The following MRPL27 variants were observed in gnomAD, a reference collection of about 807,000 sequenced individuals.
The protein encoded by MRPL27 is large ribosomal subunit protein bL27m.
MRPL27 carries 4 observed loss-of-function variants against 14.6 expected under a neutral mutation model. The ratio of observed to expected loss-of-function variants is 0.27; its 90% CI spans 0.14 to 0.63. The LOEUF is 0.63. Among genes scored for constraint, MRPL27 ranks in the 20% least tolerant of loss-of-function variants. The pLI is 0.85. For synonymous variants in MRPL27, 82 were observed against 75.5 expected (o/e 1.09, Z -0.45); for missense variants, 196 against 192.8 (o/e 1.02, Z -0.10).
At chr17:50,368,515 A>G (rs1913030297) in intron 3 of MRPL27, 1 of 607,526 alleles carries the variant, frequency 1.6e-6, no homozygotes. Context: ...TCCAACAGCC[A>G]ACATGGGCCA....
At position 50,368,248 on chromosome 17, in the gene MRPL27, G is replaced by C; in HGVS notation, c.291C>G (p.Val97=). The C allele has an allele frequency of 6.2e-7, 1 of 1,614,198 alleles. No homozygotes were observed. Among genetic ancestry groups the C allele is most frequent in the Middle Eastern group, 1.6e-4 (1 of 6,062 alleles). ...KCLYALEEGI[V]RYTKEVYVPH... is the part of the protein sequence containing the mutation. ...GCACGTAGACCTCCTTAGTGTAGCGGACTATCCCCTCTTCCAGGGCATACA... is the reference window on the plus strand; with the variant it reads ...GCACGTAGACCTCCTTAGTGTAGCGCACTATCCCCTCTTCCAGGGCATACA... Residue 97 remains valine (V), a synonymous_variant, in exon 4 of 4, where the codon GTC becomes GTG. Transcript: ENST00000225969.
At chr17:50,370,809 A>G in intron 1 of MRPL27, 2 of 507,178 alleles carry the variant, frequency 3.9e-6, no homozygotes, top group Non-Finnish European at 3.6e-6. Context: ...AATGGAAAAA[A>G]ATAAACATCA....
At chr17:50,368,528 G>T in intron 3 of MRPL27, 1 of 603,358 alleles carries the variant, frequency 1.7e-6, no homozygotes, top group Non-Finnish European at 2.9e-6. Context: ...ATGGGCCACT[G>T]CTCAGTCCCA....
intron 3 of MRPL27, 118 bp from the exon 4 acceptor site, chr17:50,368,416 G>A: frequency 9.7e-7 from 1 of 1,034,958 alleles, no homozygotes; most frequent in South Asian, 1.6e-5. Flanking sequence ...TGATCAGAGA[G>A]CTCCATCTCA....
At position 50,372,965 on chromosome 17, in the gene MRPL27, A is replaced by G. The variant is rs1737265681; in HGVS notation, c.40+166T>C. Reference sequence around the variant, plus strand: ...GCCCTCACTCACGGCTCCACCCAGGATGTGTCACGTGACCAGCGACACCGT... The same window carrying G: ...GCCCTCACTCACGGCTCCACCCAGGGTGTGTCACGTGACCAGCGACACCGT... On this transcript the variant is annotated intron_variant, in intron 1 of 3. Transcript: ENST00000225969. 4 of 906,594 alleles carry G rather than the reference A, an allele frequency of 4.4e-6. No individual in the cohort carries two copies. The South Asian group carries it at 6.3e-5, about 14-fold the overall frequency. The allele number at this position is 906,594 out of a possible 1,614,324, so 56.2% of individuals were successfully genotyped here. A position where few individuals can be genotyped will look rare whatever the true frequency, so the allele number is the denominator to read the frequency against.
At chr17:50,369,749 G>A in intron 3 of MRPL27, 1 of 482,420 alleles carries the variant, frequency 2.1e-6, no homozygotes, top group South Asian at 2.8e-5. Flanking sequence ...AAGAATACCA[G>A]GCCAATGCAA....
chr17:50,372,254 T>TG lies in MRPL27; in HGVS notation c.40+876_40+877insC, dbSNP rs1567812872. 4.4e-4 allele frequency among the ~76,000 whole-genome samples: 64 copies of TG among 144,610 alleles called. No homozygotes were observed. The South Asian group carries it at 4.6e-3, about 10-fold the overall frequency. The allele number at this position is 144,610 out of a possible 152,430, so 94.9% of individuals were successfully genotyped here. A position where few individuals can be genotyped will look rare whatever the true frequency, so the allele number is the denominator to read the frequency against. Reference sequence around the variant, plus strand: ...TAGGTCTCCTGTCATTCTTTTTTTTTTGGGGGGGGGGGATAGGGCCCCATT... The same window carrying TG: ...TAGGTCTCCTGTCATTCTTTTTTTTTGTGGGGGGGGGGGATAGGGCCCCATT... On this transcript the variant is annotated intron_variant, in intron 1 of 3. Transcript: ENST00000225969.
intron 1 of MRPL27, among the ~76,000 whole-genome samples, chr17:50,372,337 C>G (rs1314482414): frequency 6.6e-6 from 1 of 152,078 alleles, no homozygotes; most frequent in African/African-American, 2.4e-5. Context: ...CCTCGACCTC[C>G]CGAGCTCAGG....
At chr17:50,372,304 G>A (rs1913186576) in intron 1 of MRPL27, among the ~76,000 whole-genome samples, 1 of 151,814 alleles carries the variant, frequency 6.6e-6, no homozygotes, top group Admixed American at 6.6e-5. Flanking sequence ...GGAGTGCAGT[G>A]GTATGAACAT....
chr17:50,368,671 T>C, intron 3 of MRPL27: 1 of 596,520 alleles, frequency 1.7e-6, no homozygotes, highest in Non-Finnish European at 3.0e-6. Context: ...AAAACACTAG[T>C]TTGATGTAAA....
intron 3 of MRPL27, 197 bp from the exon 4 acceptor site, chr17:50,368,495 A>G (rs1913030022): frequency 1.6e-6 from 1 of 624,524 alleles, no homozygotes; most frequent in Non-Finnish European, 2.8e-6. Context: ...CAAATGAGGG[A>G]AAAGAAAGCT....
chr17:50,373,178 A>C lies in MRPL27; in HGVS notation c.-8T>G. 1.9e-6 allele frequency: 3 copies of C among 1,614,118 alleles called. No homozygotes were observed. Among genetic ancestry groups the C allele is most frequent in the Non-Finnish European group, 1.7e-6 (2 of 1,180,026 alleles). On this transcript the variant is annotated 5_prime_UTR_variant, in exon 1 of 4. Transcript: ENST00000225969. The stretch of plus-strand genomic sequence containing the variant: ...CAACACCACCGACGCCATGCTTTCG[A>C]TCACTCACTTCCGGTCTCGAAAAGT...
chr17:50,369,889 A>G (rs1365418288), intron 3 of MRPL27, 143 bp downstream of exon 3: 4 of 940,118 alleles, frequency 4.3e-6, no homozygotes, highest in Non-Finnish European at 6.7e-6. Context: ...TAAGGAAGAA[A>G]TGAGATCGTG....
At chr17:50,369,977 C>A in intron 3 of MRPL27, 55 bp downstream of exon 3, 8 of 1,572,188 alleles carry the variant, frequency 5.1e-6, no homozygotes, top group Non-Finnish European at 7.0e-6. Flanking sequence ...TGCTTAGGGG[C>A]AAGGAGAGGT....
At chr17:50,370,335 C>G in intron 2 of MRPL27, 120 bp downstream of exon 2, 1 of 1,513,982 alleles carries the variant, frequency 6.6e-7, no homozygotes, top group East Asian at 2.3e-5. Flanking sequence ...TTCCTTTAAA[C>G]TGGAGCCAAT....
At chr17:50,372,808 A>C in intron 1 of MRPL27, 1 of 396,156 alleles carries the variant, frequency 2.5e-6, no homozygotes, top group Non-Finnish European at 4.6e-6. Context: ...CTGAATCAAT[A>C]GATTAATTTT....
At chr17:50,368,734 C>A in intron 3 of MRPL27, 1 of 630,482 alleles carries the variant, frequency 1.6e-6, no homozygotes, top group Non-Finnish European at 2.8e-6. Flanking sequence ...AAATATAAAC[C>A]AAAGCTATAT....
intron 3 of MRPL27, chr17:50,369,038 AGC>A (rs1913048097): frequency 1.7e-6 from 1 of 592,976 alleles, no homozygotes; most frequent in African/African-American, 1.9e-5. Flanking sequence ...TGGGCTCTGG[AGC>A]CAGGATGCCT....
At chr17:50,372,215 A>G (rs559539352) in intron 1 of MRPL27, among the ~76,000 whole-genome samples, 184 of 115,778 alleles carry the variant, frequency 1.6e-3, no homozygotes, top group Non-Finnish European at 2.8e-3. Context: ...CCTGTCCCTC[A>G]CTCTACACAG....
Sources: gnomAD v4.1 joint callset for allele counts (sites outside exome capture counted in the v4.1 genomes callset) on GRCh38, gnomAD v4.1.1 for gene constraint, MANE v1.5 for transcripts, NCBI Gene and HGNC (gene_info 2026-07-23, HGNC 2026-07-21) for gene names.